Variants in MYO10 observed in about 807,000 individuals in gnomAD.
The protein encoded by MYO10 is myosin X, also known as unconventional myosin-X.
MYO10 carries 133 observed loss-of-function variants against 257.3 expected under a neutral mutation model. The observed-to-expected ratio is 0.52, with a 90% CI of 0.45 to 0.60. The LOEUF is 0.60. MYO10 is among the 20% of genes least tolerant of loss of function. MYO10 has a pLI of 0.00. For synonymous variants in MYO10, 1,104 were observed against 1,028.6 expected (o/e 1.07, Z -1.40); for missense variants, 2,399 against 2,635.7 (o/e 0.91, Z 1.97).
intron 2 of MYO10, among the ~76,000 whole-genome samples, chr5:16,869,281 C>T (rs1744380566): frequency 6.6e-6 from 1 of 150,932 alleles, no homozygotes; most frequent in African/African-American, 2.4e-5. Flanking sequence ...CCTCATGATC[C>T]ACCCACCTCG....
At position 16,666,546 on chromosome 5, in the gene MYO10, C is replaced by T. The variant is rs151057239; in HGVS notation, c.*146G>A. On this transcript the variant is annotated 3_prime_UTR_variant, in exon 41 of 41. Coordinates refer to ENST00000513610, the MANE Select transcript of MYO10 (RefSeq NM_012334.3). ...AATGAAGGCGGCAGGCAAAAGGATCCTCGGAGACACCTCCCTCAGACCAGA... is the reference window on the plus strand; with the variant it reads ...AATGAAGGCGGCAGGCAAAAGGATCTTCGGAGACACCTCCCTCAGACCAGA... 4.7e-6 allele frequency: 3 copies of T among 631,950 alleles called. No individual in the cohort carries two copies. The African/African-American group carries it at 5.5e-5, about 12-fold the overall frequency. 39.1% of individuals were successfully genotyped at this position (631,950 alleles called of 1,614,324 possible). A position where few individuals can be genotyped will look rare whatever the true frequency, so the allele number is the denominator to read the frequency against.
chr5:16,802,977 T>C (rs1014155934), intron 3 of MYO10, among the ~76,000 whole-genome samples: 1 of 151,104 alleles, frequency 6.6e-6, no homozygotes, highest in East Asian at 2.0e-4. Context: ...TGGTAGCACA[T>C]GCCTGTATTC....
rs1042746272 is a variant in MYO10, at chr5:16,673,970, G to A, written c.4965-81C>T. The A allele has an allele frequency of 7.8e-6, 10 of 1,289,272 alleles. 1 individual carries two copies. Among genetic ancestry groups the A allele is most frequent in the South Asian group, 6.2e-5 (5 of 80,516 alleles). 79.9% of individuals were successfully genotyped at this position (1,289,272 alleles called of 1,614,324 possible). ...AGGAACTAGGCTGTGCCAAGGTTCT[G>A]TAGACCAAAGCAGTGAATGGTCCCC... On this transcript the variant is annotated intron_variant, in intron 35 of 40. Coordinates refer to ENST00000513610, the MANE Select transcript of MYO10 (RefSeq NM_012334.3).
In MYO10 at chr5:16,694,630, T is replaced by C. The variant is rs773905535; in HGVS notation, c.3557-16A>G. ...ATCAGGCCACCTGTTCCCCGTGAGATTGGGTAGAGAGGGGTGAAAGAAAAG... is the reference window on the plus strand; with the variant it reads ...ATCAGGCCACCTGTTCCCCGTGAGACTGGGTAGAGAGGGGTGAAAGAAAAG... On this transcript the variant is annotated splice_polypyrimidine_tract_variant and intron_variant, in intron 26 of 40. Transcript: ENST00000513610. 8 of 1,612,744 alleles carry C rather than the reference T, an allele frequency of 5.0e-6. No individual in the cohort carries two copies. The East Asian group carries it at 6.7e-5, about 13-fold the overall frequency.
chr5:16,743,756 A>G (rs967961737), intron 19 of MYO10, among the ~76,000 whole-genome samples: 1 of 152,240 alleles, frequency 6.6e-6, no homozygotes, highest in Non-Finnish European at 1.5e-5. Context: ...TTATGAACTG[A>G]TAATAAACAT....
At chr5:16,911,941 G>A (rs576898360) in intron 1 of MYO10, among the ~76,000 whole-genome samples, 134 of 152,246 alleles carry the variant, frequency 8.8e-4, no homozygotes, top group Middle Eastern at 3.4e-3. Flanking sequence ...GGGAGGCTGA[G>A]GCAGAATTGC....
chr5:16,841,047 A>G (rs942613847), intron 2 of MYO10, among the ~76,000 whole-genome samples: 3 of 151,824 alleles, frequency 2.0e-5, no homozygotes, highest in African/African-American at 7.3e-5. Context: ...TGGGAGGCTG[A>G]GGCCAGAAAA....
intron 2 of MYO10, among the ~76,000 whole-genome samples, chr5:16,842,974 A>C (rs1004600552): frequency 6.6e-6 from 1 of 151,856 alleles, no homozygotes; most frequent in African/African-American, 2.4e-5. Context: ...TGCCAAGATA[A>C]GATGCCTGCT....
At chr5:16,730,741 CA>C (rs1346686288) in intron 19 of MYO10, among the ~76,000 whole-genome samples, 1 of 152,186 alleles carries the variant, frequency 6.6e-6, no homozygotes, top group Non-Finnish European at 1.5e-5. Context: ...ACATCTGAAG[CA>C]GCTAAATGCC....
chr5:16,666,704 GC>G lies in MYO10; in HGVS notation c.6164del (p.Gly2055AlafsTer48). ...YSTTRSASSQ[G>X]SSR ...CTCTGTCCCGCCTTCACCTGGAGCT[GC>G]CCTGGCTGCTGGCGGAGCGTGTCGT... On this transcript the variant is annotated frameshift_variant, in exon 41 of 41. Transcript: ENST00000513610. LOFTEE classifies it high-confidence loss of function. 6.2e-7 allele frequency: 1 copy of G among 1,603,106 alleles called. No homozygotes were observed.
intron 1 of MYO10, among the ~76,000 whole-genome samples, chr5:16,891,081 G>C (rs1235733691): frequency 6.6e-6 from 1 of 151,770 alleles, no homozygotes; most frequent in African/African-American, 2.4e-5. Context: ...TCAGGTGTTA[G>C]AGACCGGCCT....
In MYO10 at chr5:16,700,974, C is replaced by T; in HGVS notation, c.3421G>A (p.Ala1141Thr). Residue 1141 changes from alanine to threonine, a missense_variant, in exon 25 of 41, where the codon GCG becomes ACG. Ala to Thr is a moderately conservative substitution (Grantham distance 58). Transcript: ENST00000513610. ...AGGCAGGTACTTACCGAGGACTGCG[C>T]CCCCTCAGAGCTGAACCGGTAGGCA... is the stretch of plus-strand genomic sequence containing the variant. Reference protein sequence around the residue: ...SGAYRFSSEGAQSSFEDSEED... With the variant: ...SGAYRFSSEGTQSSFEDSEED... The T allele has an allele frequency of 1.3e-6, 2 of 1,554,462 alleles. No homozygotes were observed. The highest frequency in any genetic ancestry group is 1.4e-5 in the African/African-American group (1 of 73,360).
At position 16,701,371 on chromosome 5, in the gene MYO10, G is replaced by T; in HGVS notation, c.3024C>A (p.Pro1008=). The T allele has an allele frequency of 1.2e-6, 2 of 1,613,992 alleles. No homozygotes were observed. The highest frequency in any genetic ancestry group is 1.7e-6 in the Non-Finnish European group (2 of 1,179,890). ...EADDDAFKDS[P]NPSEHGHSDQ... ...CTGAGTGGCCGTGCTCGCTGGGGTT[G>T]GGGGAGTCCTTGAAGGCGTCGTCGT... The change falls in exon 25 of 41, where the codon CCC becomes CCA. Residue 1008 remains proline, a synonymous_variant. Transcript: ENST00000513610. The surrounding 1 kb of genome is among the most constrained non-coding windows in gnomAD (Gnocchi z 8.1).
chr5:16,709,950 G>A (rs1413766358), intron 21 of MYO10, among the ~76,000 whole-genome samples: 2 of 152,210 alleles, frequency 1.3e-5, no homozygotes, highest in African/African-American at 2.4e-5. Flanking sequence ...TGAAGCCTAA[G>A]TACTTTTCAT....
At chr5:16,751,424 C>T (rs757239109) in intron 19 of MYO10, among the ~76,000 whole-genome samples, 12 of 152,140 alleles carry the variant, frequency 7.9e-5, no homozygotes, top group Non-Finnish European at 1.8e-4. Flanking sequence ...ATCACACCTG[C>T]ATTTTAGGCC....
chr5:16,833,527 A>G (rs555763739), intron 2 of MYO10, among the ~76,000 whole-genome samples: 21 of 152,206 alleles, frequency 1.4e-4, no homozygotes, highest in Non-Finnish European at 2.9e-4. Context: ...ACTAGTTTTA[A>G]TGACAATTTT....
In MYO10 at chr5:16,726,394, T is replaced by C. The variant is rs1739368668; in HGVS notation, c.1930-15149A>G. Among the ~76,000 whole-genome samples, 2 of 152,224 alleles carry C rather than the reference T, an allele frequency of 1.3e-5. 1 individual carries two copies. The highest frequency in any genetic ancestry group is 4.8e-5 in the African/African-American group (2 of 41,458). On this transcript the variant is annotated intron_variant, in intron 19 of 40. Coordinates refer to ENST00000513610, the MANE Select transcript of MYO10 (RefSeq NM_012334.3). ...CAGAGGAATAACAAAAGCTATCATG[T>C]ACCAAGGGCTTACTGTGTCAGCTTT...
In MYO10 at chr5:16,818,053, T is replaced by C; in HGVS notation, c.235A>G (p.Ile79Val). Residue 79 changes from isoleucine to valine, a missense_variant, in exon 3 of 41, where the codon ATC becomes GTC. By Grantham distance (29) the Ile-to-Val change is conservative. Coordinates refer to ENST00000513610, the MANE Select transcript of MYO10 (RefSeq NM_012334.3). ...ASLTELHGGSIMYNLFQRYKR... is the reference protein window; with the variant it reads ...ASLTELHGGSVMYNLFQRYKR... ...TACCGCTGGAATAAGTTATACATGA[T>C]GGAGCCGCCATGGAGCTCTGTCAAG... 1 of 1,607,062 alleles carries C rather than the reference T, an allele frequency of 6.2e-7. No homozygotes were observed. The highest frequency in any genetic ancestry group is 8.5e-7 in the Non-Finnish European group (1 of 1,176,040).
At chr5:16,931,695 G>A (rs78209599) in intron 1 of MYO10, among the ~76,000 whole-genome samples, 201 of 152,244 alleles carry the variant, frequency 1.3e-3, no homozygotes, top group African/African-American at 4.2e-3. Context: ...GAGGCAACAC[G>A]CTATATCTCC....
Sources: allele counts gnomAD v4.1 joint callset (sites outside exome capture counted in the v4.1 genomes callset), GRCh38; gene constraint gnomAD v4.1.1; non-coding constraint Gnocchi (gnomAD v3.1); transcripts MANE v1.5; gene names NCBI Gene and HGNC (gene_info 2026-07-23, HGNC 2026-07-21).